The following MACROH2A2 variants were observed in gnomAD, a reference collection of about 807,000 sequenced individuals.
MACROH2A2 encodes macroH2A.2 histone.
MACROH2A2 carries 6 observed loss-of-function variants against 37.6 expected under a neutral mutation model. The observed-to-expected ratio is 0.16, with a 90% CI of 0.09 to 0.32. MACROH2A2 has a LOEUF of 0.32. Among genes scored for constraint, MACROH2A2 ranks in the 10% least tolerant of loss-of-function variants. MACROH2A2 has a pLI of 1.00. For synonymous variants in MACROH2A2, 192 were observed against 202.7 expected (o/e 0.95, Z 0.45); for missense variants, 290 against 485.9 (o/e 0.60, Z 3.79).
At chr10:70,063,807 C>A (rs2072062810) in intron 1 of MACROH2A2, among the ~76,000 whole-genome samples, 1 of 152,118 alleles carries the variant, frequency 6.6e-6, no homozygotes, top group African/African-American at 2.4e-5. Flanking sequence ...TAGTCAACAG[C>A]AGACGGGAGA....
Position 70,075,884 on chromosome 10 carries a change from G to T in MACROH2A2, c.172+54G>T. 1 of 1,496,600 alleles carries T rather than the reference G, an allele frequency of 6.7e-7. No homozygotes were observed. 92.7% of individuals were successfully genotyped at this position (1,496,600 alleles called of 1,614,324 possible). The stretch of plus-strand genomic sequence containing the variant: ...TGCTCCCAGGTCCCCACCCTCCCCT[G>T]GGTCCCCCTCGCAGGCTGGGGAGGG... On this transcript the variant is annotated intron_variant, in intron 2 of 8. Coordinates refer to ENST00000373255, the MANE Select transcript of MACROH2A2 (RefSeq NM_018649.3). The surrounding 1 kb of genome is among the most constrained non-coding windows in gnomAD (Gnocchi z 5.0).
intron 1 of MACROH2A2, among the ~76,000 whole-genome samples, chr10:70,066,751 C>T (rs910294387): frequency 5.9e-5 from 9 of 152,162 alleles, no homozygotes; most frequent in African/African-American, 1.7e-4. Flanking sequence ...TCAATACTTG[C>T]GGCACTTTCA....
intron 4 of MACROH2A2, among the ~76,000 whole-genome samples, chr10:70,092,201 T>C (rs1039459883): frequency 2.0e-5 from 3 of 152,224 alleles, no homozygotes; most frequent in African/African-American, 4.8e-5. Context: ...AAGCGTCATC[T>C]ACCAGGAAGT....
intron 2 of MACROH2A2, among the ~76,000 whole-genome samples, chr10:70,088,256 TCACA>T (rs891690043): frequency 1.4e-4 from 21 of 149,600 alleles, no homozygotes; most frequent in East Asian, 5.9e-4. Context: ...GCCTGCACAC[TCACA>T]CACACACAGT....
chr10:70,057,643 C>T (rs1655629484), intron 1 of MACROH2A2, among the ~76,000 whole-genome samples: 1 of 152,088 alleles, frequency 6.6e-6, no homozygotes, highest in Admixed American at 6.6e-5. Context: ...CCTCAAGTAC[C>T]GTACTAATTG....
intron 2 of MACROH2A2, among the ~76,000 whole-genome samples, chr10:70,079,983 A>T (rs1233090394): frequency 1.3e-5 from 2 of 152,186 alleles, no homozygotes; most frequent in Admixed American, 6.5e-5. Context: ...GGGAATGGGT[A>T]AAAGAAGTCT....
At chr10:70,083,815 C>A (rs952694050) in intron 2 of MACROH2A2, among the ~76,000 whole-genome samples, 1 of 149,080 alleles carries the variant, frequency 6.7e-6, no homozygotes, top group African/African-American at 2.5e-5. Context: ...AGCTTGCCTC[C>A]CAGAACGGTT....
chr10:70,101,168 G>C (rs1459692179), intron 7 of MACROH2A2, among the ~76,000 whole-genome samples: 1 of 152,204 alleles, frequency 6.6e-6, no homozygotes, highest in East Asian at 1.9e-4. Context: ...AAGGCCCCGA[G>C]CTCTGGAAGC....
At chr10:70,069,809 A>G (rs747128362) in intron 1 of MACROH2A2, among the ~76,000 whole-genome samples, 4 of 152,068 alleles carry the variant, frequency 2.6e-5, no homozygotes, top group Non-Finnish European at 5.9e-5. Flanking sequence ...GGATGTGGAT[A>G]AAAACCCATT....
intron 1 of MACROH2A2, among the ~76,000 whole-genome samples, chr10:70,054,727 G>A (rs1012864129): frequency 1.3e-5 from 2 of 152,164 alleles, no homozygotes; most frequent in African/African-American, 4.8e-5. Context: ...AAACATACTG[G>A]TGATTTTTAG....
intron 2 of MACROH2A2, among the ~76,000 whole-genome samples, chr10:70,080,215 G>T (rs892787387): frequency 2.0e-5 from 3 of 151,740 alleles, no homozygotes; most frequent in African/African-American, 7.3e-5. Context: ...GGAGGCGGAG[G>T]TTGTGGTGAG....
At chr10:70,054,808 G>A (rs113261812) in intron 1 of MACROH2A2, among the ~76,000 whole-genome samples, 1,730 of 152,194 alleles carry the variant, frequency 0.011, 23 homozygotes, top group African/African-American at 0.029. Context: ...ATCTTGAGTC[G>A]CATAATTCAC....
chr10:70,057,341 C>A (rs1454862371), intron 1 of MACROH2A2, among the ~76,000 whole-genome samples: 5 of 126,088 alleles, frequency 4.0e-5, no homozygotes, highest in Non-Finnish European at 4.7e-5. Context: ...TTCATTGTAG[C>A]TACATTTGGG....
At chr10:70,092,975 C>T (rs1589838162) in intron 4 of MACROH2A2, among the ~76,000 whole-genome samples, 1 of 151,700 alleles carries the variant, frequency 6.6e-6, no homozygotes, top group East Asian at 1.9e-4. Context: ...TCCTATGTTG[C>T]CCAGTACAGT....
At chr10:70,078,983 C>T (rs958353487) in intron 2 of MACROH2A2, among the ~76,000 whole-genome samples, 2 of 152,124 alleles carry the variant, frequency 1.3e-5, no homozygotes, top group East Asian at 3.9e-4. Flanking sequence ...CTGAGTGCCT[C>T]ATTTGAATCA....
At chr10:70,064,660 T>C (rs1263934583) in intron 1 of MACROH2A2, among the ~76,000 whole-genome samples, 1 of 152,218 alleles carries the variant, frequency 6.6e-6, no homozygotes, top group East Asian at 1.9e-4. Flanking sequence ...TCTCACGAGA[T>C]CTGATGGGTT....
At chr10:70,059,325 C>T (rs2072037093) in intron 1 of MACROH2A2, among the ~76,000 whole-genome samples, 2 of 152,058 alleles carry the variant, frequency 1.3e-5, no homozygotes, top group African/African-American at 4.8e-5. Flanking sequence ...CTTGCCCACT[C>T]CAGCCAGGAC....
intron 3 of MACROH2A2, among the ~76,000 whole-genome samples, chr10:70,091,174 A>T (rs4746959): frequency 0.067 from 10,224 of 152,254 alleles, 488 homozygotes; most frequent in East Asian, 0.24. Flanking sequence ...TTGTGTCTGG[A>T]ATTCCAGAGC....
chr10:70,088,789 C>G (rs1375614063), intron 2 of MACROH2A2, among the ~76,000 whole-genome samples: 1 of 152,092 alleles, frequency 6.6e-6, no homozygotes, highest in African/African-American at 2.4e-5. Context: ...CAGGGAGGAC[C>G]TAGGGCATTG....
Sources: gnomAD v4.1 joint callset for allele counts (sites outside exome capture counted in the v4.1 genomes callset) on GRCh38, gnomAD v4.1.1 for gene constraint, Gnocchi (gnomAD v3.1) non-coding constraint, MANE v1.5 for transcripts, NCBI Gene and HGNC (gene_info 2026-07-23, HGNC 2026-07-21) for gene names.